EPB41L2: variants seen among roughly 807,000 people sequenced by gnomAD.
The protein encoded by EPB41L2 is erythrocyte membrane protein band 4.1 like 2.
A neutral mutation model predicts 113.0 loss-of-function variants in EPB41L2; 43 were observed. The observed-to-expected ratio is 0.38, with a 90% CI of 0.30 to 0.49. The LOEUF (loss-of-function observed/expected upper bound fraction) is 0.49. Ranked by LOEUF, EPB41L2 falls within the 20% of genes least tolerant of loss-of-function variation. EPB41L2 has a pLI of 0.95. For missense variants in EPB41L2, 1,147 were observed against 1,223.4 expected, an observed-to-expected ratio of 0.94 and a Z score of 0.93; for synonymous variants, 442 against 436.7, an observed-to-expected ratio of 1.01 and a Z score of -0.15.
At position 130,910,640 on chromosome 6, in the gene EPB41L2, C is replaced by T. The variant is rs562621680; in HGVS notation, c.811-1777G>A. Among the ~76,000 whole-genome samples the T allele has an allele frequency of 5.3e-5, 8 of 152,218 alleles. No individual in the cohort carries two copies. The South Asian group carries it at 1.7e-3, about 32-fold the overall frequency. ...TGCAATCTATCCATCTGACAAAGGGCTAATATCCAGAATCTACAAGGAACT... is the reference window on the plus strand; with the variant it reads ...TGCAATCTATCCATCTGACAAAGGGTTAATATCCAGAATCTACAAGGAACT... On this transcript the variant is annotated intron_variant, in intron 4 of 19. Transcript: ENST00000337057.
At chr6:131,008,569 A>G (rs117819572) in intron 1 of EPB41L2, among the ~76,000 whole-genome samples, 1,717 of 152,338 alleles carry the variant, frequency 0.011, 16 homozygotes, top group Non-Finnish European at 0.016. Flanking sequence ...CCAGAACGGT[A>G]GATTCACCAA....
At chr6:130,974,717 CT>C (rs71030723) in intron 1 of EPB41L2, among the ~76,000 whole-genome samples, 11,388 of 64,358 alleles carry the variant, frequency 0.18, 135 homozygotes, top group East Asian at 0.26. Flanking sequence ...CTTTTCTTTT[CT>C]TTTTTTTTTT....
intron 10 of EPB41L2, among the ~76,000 whole-genome samples, chr6:130,892,296 T>G (rs1793142412): frequency 7.2e-6 from 1 of 139,192 alleles, no homozygotes; most frequent in African/African-American, 2.5e-5. Flanking sequence ...ATCAGTTGTC[T>G]TGCCTAGGGC....
chr6:130,912,252 G>A (rs1253357051), intron 4 of EPB41L2, among the ~76,000 whole-genome samples: 1 of 152,146 alleles, frequency 6.6e-6, no homozygotes, highest in South Asian at 2.1e-4. Flanking sequence ...TACAACATCT[G>A]TGCTTAAACA....
At chr6:131,048,158 GAAAAA>G (rs71030726) in intron 1 of EPB41L2, among the ~76,000 whole-genome samples, 1 of 69,910 alleles carries the variant, frequency 1.4e-5, no homozygotes. Flanking sequence ...AAAAAAAAAA[GAAAAA>G]AAGAAAAGAA....
At position 130,839,881 on chromosome 6, in the gene EPB41L2, G is replaced by A. The variant is rs971321933; in HGVS notation, c.*723C>T. On this transcript the variant is annotated 3_prime_UTR_variant, in exon 20 of 20. Transcript: ENST00000337057. ...CTGACAAGCATTGGCACTGTGGTGC[G>A]GCAGGGTCTCTAAGCACAGTGCACA... The A allele has an allele frequency of 6.6e-6, 1 of 152,170 alleles. No homozygotes were observed. The highest frequency in any genetic ancestry group is 2.1e-4 in the South Asian group (1 of 4,822). 9.4% of individuals were successfully genotyped at this position (152,170 alleles called of 1,614,324 possible).
At chr6:130,909,859 C>G (rs992358845) in intron 4 of EPB41L2, among the ~76,000 whole-genome samples, 1 of 152,174 alleles carries the variant, frequency 6.6e-6, no homozygotes, top group African/African-American at 2.4e-5. Flanking sequence ...CTACAAAGCA[C>G]TGCACAAGGA....
Position 130,888,711 on chromosome 6 carries a change from G to A in EPB41L2, c.1660+1583C>T, listed in dbSNP as rs115767190. On this transcript the variant is annotated intron_variant, in intron 11 of 19. Coordinates refer to ENST00000337057, the MANE Select transcript of EPB41L2 (RefSeq NM_001431.4). ...CAAGGCTTGGGAAATATTTACATGG[G>A]TTGGCACATTTTTCAGATTTACTTG... Among the ~76,000 whole-genome samples, 1,219 of 152,252 alleles carry A rather than the reference G, an allele frequency of 8.0e-3. 21 individuals are homozygous for A. Among genetic ancestry groups the A allele is most frequent in the African/African-American group, 0.028 (1,167 of 41,538 alleles).
chr6:130,918,410 C>G (rs1262947898), intron 4 of EPB41L2, among the ~76,000 whole-genome samples: 1 of 152,056 alleles, frequency 6.6e-6, no homozygotes, highest in Non-Finnish European at 1.5e-5. Flanking sequence ...ATATTTTTCC[C>G]TTTAAAGAGA....
chr6:130,927,200 A>T (rs1348911573), intron 3 of EPB41L2, among the ~76,000 whole-genome samples: 1 of 152,120 alleles, frequency 6.6e-6, no homozygotes, highest in Non-Finnish European at 1.5e-5. Flanking sequence ...TTTCTATATG[A>T]GCTATGCTCC....
intron 16 of EPB41L2, among the ~76,000 whole-genome samples, chr6:130,866,556 T>C (rs1418503777): frequency 6.6e-6 from 1 of 152,220 alleles, no homozygotes; most frequent in African/African-American, 2.4e-5. Context: ...CTATTTGTGC[T>C]TATGTGGGAT....
At chr6:130,903,963 A>T (rs1797007997) in intron 6 of EPB41L2, among the ~76,000 whole-genome samples, 1 of 152,204 alleles carries the variant, frequency 6.6e-6, no homozygotes, top group Admixed American at 6.5e-5. Flanking sequence ...CTCCAAGGAG[A>T]TGGAAATGAA....
chr6:130,878,007 A>G, intron 14 of EPB41L2, 97 bp downstream of exon 14: 1 of 1,237,350 alleles, frequency 8.1e-7, no homozygotes, highest in Non-Finnish European at 1.1e-6. Flanking sequence ...AAATGGGAAC[A>G]TTTTGTAACT....
intron 3 of EPB41L2, among the ~76,000 whole-genome samples, chr6:130,931,723 T>C (rs779809864): frequency 2.6e-5 from 4 of 152,148 alleles, no homozygotes; most frequent in African/African-American, 9.7e-5. Context: ...CAATGCATAA[T>C]GGTAGCACAT....
intron 1 of EPB41L2, among the ~76,000 whole-genome samples, chr6:130,989,406 G>A (rs535879304): frequency 3.1e-4 from 47 of 152,274 alleles, no homozygotes; most frequent in African/African-American, 1.1e-3. Flanking sequence ...TCAAAGAGAA[G>A]TATGCCTTTA....
intron 6 of EPB41L2, among the ~76,000 whole-genome samples, chr6:130,903,215 T>C (rs535905953): frequency 2.6e-5 from 4 of 152,308 alleles, no homozygotes; most frequent in African/African-American, 7.2e-5. Context: ...AAAGCCCCAG[T>C]TACATGCATT....
At chr6:130,898,648 G>A (rs1413367818) in intron 8 of EPB41L2, among the ~76,000 whole-genome samples, 1 of 151,998 alleles carries the variant, frequency 6.6e-6, no homozygotes, top group South Asian at 2.1e-4. Context: ...AACAGGATTT[G>A]TCTATTCATA....
chr6:130,959,341 G>GA (rs1818569693), intron 1 of EPB41L2, among the ~76,000 whole-genome samples: 1 of 152,146 alleles, frequency 6.6e-6, no homozygotes, highest in Non-Finnish European at 1.5e-5. Context: ...TAGAGATAGG[G>GA]TTTGGATGTT....
At chr6:130,986,763 T>C (rs749691113) in intron 1 of EPB41L2, among the ~76,000 whole-genome samples, 18 of 152,154 alleles carry the variant, frequency 1.2e-4, no homozygotes, top group Non-Finnish European at 2.2e-4. Flanking sequence ...TGTTCTGAGA[T>C]AGTAGTAATG....
Sources: gnomAD v4.1 joint callset for allele counts (sites outside exome capture counted in the v4.1 genomes callset) on GRCh38, gnomAD v4.1.1 for gene constraint, MANE v1.5 for transcripts, NCBI Gene and HGNC (gene_info 2026-07-23, HGNC 2026-07-21) for gene names.